The following MAPK6 variants were observed in gnomAD, a reference collection of about 807,000 sequenced individuals.
The protein encoded by MAPK6 is ERK-3.
MAPK6 carries 19 observed loss-of-function variants against 59.3 expected under a neutral mutation model. The ratio of observed to expected loss-of-function variants is 0.32; its 90% CI spans 0.22 to 0.47. MAPK6 has a LOEUF of 0.47. Among genes scored for constraint, MAPK6 ranks in the 20% least tolerant of loss-of-function variants. MAPK6 has a pLI of 1.00. For missense variants in MAPK6, 724 were observed against 847.9 expected, an observed-to-expected ratio of 0.85 and a Z score of 1.81; for synonymous variants, 316 against 290.3, an observed-to-expected ratio of 1.09 and a Z score of -0.90.
intron 2 of MAPK6, among the ~76,000 whole-genome samples, chr15:51,997,576 T>C (rs2057228405): frequency 6.6e-6 from 1 of 151,442 alleles, no homozygotes; most frequent in Non-Finnish European, 1.5e-5. Flanking sequence ...TTTTTAAAGT[T>C]ATTTTCTTTC....
At chr15:52,047,189 TTAAA>T (rs1377510896) in intron 2 of MAPK6, among the ~76,000 whole-genome samples, 174 bp downstream of exon 2, 2 of 152,210 alleles carry the variant, frequency 1.3e-5, no homozygotes, top group African/African-American at 2.4e-5. Flanking sequence ...AGTGGGATAA[TTAAA>T]TACAAATTTC....
At chr15:52,025,940 A>ACAACT (rs2030756479) in intron 1 of MAPK6, among the ~76,000 whole-genome samples, 1 of 152,164 alleles carries the variant, frequency 6.6e-6, no homozygotes, top group African/African-American at 2.4e-5. Flanking sequence ...AATTGGAGAG[A>ACAACT]GAGTATGTTG....
In MAPK6 at chr15:52,064,621, A is replaced by T; in HGVS notation, c.1787A>T (p.Gln596Leu). ...TTGTACCAGTCTTCTTGGGACAGCC[A>T]GTTTGTGAGTGGTGGGGAGGACTGT... ...EALYQSSWDS[Q>L]FVSGGEDCFF... Residue 596 changes from glutamine to leucine, a missense_variant, in exon 6 of 6, where the codon CAG (glutamine) becomes CTG (leucine). Coordinates refer to ENST00000261845, the MANE Select transcript of MAPK6 (RefSeq NM_002748.4). The T allele has an allele frequency of 6.2e-7, 1 of 1,611,796 alleles. No homozygotes were observed.
chr15:52,035,719 T>C (rs907368614), intron 1 of MAPK6: 49 of 152,280 alleles, frequency 3.2e-4, no homozygotes, highest in African/African-American at 1.2e-3. Context: ...ATATTTTATC[T>C]GAGTCCACAT....
chr15:52,020,270 A>G (rs1478686900), intron 1 of MAPK6, among the ~76,000 whole-genome samples: 1 of 152,092 alleles, frequency 6.6e-6, no homozygotes, highest in Non-Finnish European at 1.5e-5. Flanking sequence ...GTAGGACCCA[A>G]CCGGTTTAGG....
chr15:52,058,759 A>C lies in MAPK6; in HGVS notation c.827A>C (p.Lys276Thr). 6.2e-7 allele frequency: 1 copy of C among 1,613,218 alleles called. No individual in the cohort carries two copies. The highest frequency in any genetic ancestry group is 1.1e-5 in the South Asian group (1 of 90,862). ...YIRNDMTEPH[K>T]PLTQLLPGIS... ...AGAAATGACATGACTGAGCCACACA[A>C]ACCTTTAACTCAGCTGCTTCCAGGA... Residue 276 changes from lysine (K) to threonine (T), a missense_variant, in exon 4 of 6, where the codon AAA becomes ACA. By Grantham distance (78) the Lys-to-Thr change is moderately conservative. Around this residue, in one of 4 missense-constraint regions of MAPK6, gnomAD observed 105 missense variants for 191.9 expected, o/e 0.55. Coordinates refer to ENST00000261845, the MANE Select transcript of MAPK6 (RefSeq NM_002748.4).
At position 52,061,396 on chromosome 15, in the gene MAPK6, T is replaced by C; in HGVS notation, c.963T>C (p.Phe321=). ...ATCCTTACATGAGCATATATTCTTT[T>C]CCAATGGATGAGCCAATTTCAAGCC... is the stretch of plus-strand genomic sequence containing the variant. ...LSHPYMSIYS[F]PMDEPISSHP... is the part of the protein sequence containing the mutation. The change falls in exon 5 of 6, where the codon TTT becomes TTC. Residue 321 remains phenylalanine, a synonymous_variant. Transcript: ENST00000261845. The C allele has an allele frequency of 6.2e-7, 1 of 1,614,030 alleles. No homozygotes were observed. Among genetic ancestry groups the C allele is most frequent in the Non-Finnish European group, 8.5e-7 (1 of 1,179,874 alleles).
At chr15:51,987,334 T>C (rs1248063244) in intron 2 of MAPK6, among the ~76,000 whole-genome samples, 1 of 152,182 alleles carries the variant, frequency 6.6e-6, no homozygotes, top group Admixed American at 6.5e-5. Flanking sequence ...GGCTGGGCAC[T>C]GTGGCTCCCA....
intron 2 of MAPK6, among the ~76,000 whole-genome samples, chr15:51,996,495 A>C: frequency 6.6e-6 from 1 of 152,030 alleles, no homozygotes; most frequent in East Asian, 1.9e-4. Context: ...TCTTGGATTC[A>C]AGTGATTCTC....
At chr15:51,982,451 G>A (rs937333173) in intron 1 of MAPK6, among the ~76,000 whole-genome samples, 10 of 152,060 alleles carry the variant, frequency 6.6e-5, no homozygotes, top group African/African-American at 2.4e-4. Flanking sequence ...AGATGGTGAT[G>A]GTATACCCTA....
chr15:52,054,146 T>TC (rs1267507787), intron 3 of MAPK6, among the ~76,000 whole-genome samples: 5 of 151,582 alleles, frequency 3.3e-5, no homozygotes, highest in Non-Finnish European at 7.4e-5. Context: ...GGCAAGTGGA[T>TC]CACCTGAGAT....
At chr15:52,051,645 G>A (rs985321761) in intron 3 of MAPK6, among the ~76,000 whole-genome samples, 55 of 151,792 alleles carry the variant, frequency 3.6e-4, no homozygotes, top group African/African-American at 1.2e-3. Flanking sequence ...AGGCTGCAGC[G>A]GGCAGATCAC....
At chr15:52,029,602 T>G (rs977675627) in intron 1 of MAPK6, among the ~76,000 whole-genome samples, 30 of 152,200 alleles carry the variant, frequency 2.0e-4, no homozygotes, top group Non-Finnish European at 4.4e-5. Context: ...ATACCTAACA[T>G]GTCCAAAATA....
chr15:52,021,872 A>G (rs1259405206), intron 1 of MAPK6, among the ~76,000 whole-genome samples: 1 of 152,172 alleles, frequency 6.6e-6, no homozygotes, highest in Non-Finnish European at 1.5e-5. Flanking sequence ...GGTATTAGTC[A>G]CTATTTTTCA....
At chr15:52,063,104 T>C (rs1287882656) in intron 5 of MAPK6, among the ~76,000 whole-genome samples, 2 of 152,228 alleles carry the variant, frequency 1.3e-5, no homozygotes, top group Non-Finnish European at 2.9e-5. Context: ...AGTCTCACTC[T>C]GTTGCCAGGC....
intron 2 of MAPK6, among the ~76,000 whole-genome samples, chr15:51,994,631 G>T (rs1450267126): frequency 6.6e-6 from 1 of 152,136 alleles, no homozygotes; most frequent in Admixed American, 6.6e-5. Context: ...AAATACTTAA[G>T]TACAAAGAGA....
intron 1 of MAPK6, among the ~76,000 whole-genome samples, chr15:51,981,078 T>C (rs2057171357): frequency 6.6e-6 from 1 of 151,884 alleles, no homozygotes; most frequent in Non-Finnish European, 1.5e-5. Context: ...GATTCAAGTG[T>C]CATCTCCAAA....
At chr15:52,030,419 C>T (rs2030982630) in intron 1 of MAPK6, among the ~76,000 whole-genome samples, 1 of 152,004 alleles carries the variant, frequency 6.6e-6, no homozygotes, top group Admixed American at 6.6e-5. Flanking sequence ...CTTTAAATCT[C>T]AGAAGGGAAA....
upstream of MAPK6, chr15:52,019,084 C>A (rs1273906447): frequency 1.3e-5 from 2 of 152,308 alleles, no homozygotes; most frequent in Non-Finnish European, 2.9e-5. Flanking sequence ...CCACCGCCTC[C>A]GCGGCGCGCG....
Sources: allele counts gnomAD v4.1 joint callset (sites outside exome capture counted in the v4.1 genomes callset), GRCh38; gene constraint gnomAD v4.1.1; regional missense constraint gnomAD v4.1.1; transcripts MANE v1.5; gene names NCBI Gene and HGNC (gene_info 2026-07-23, HGNC 2026-07-21).